SHISA9: variants seen among roughly 807,000 people sequenced by gnomAD.
SHISA9 encodes shisa family member 9, also known as protein shisa-9.
A neutral mutation model predicts 38.0 loss-of-function variants in SHISA9; 13 were observed. That is an observed-to-expected ratio of 0.34 (90% CI 0.22 to 0.54). SHISA9 has a LOEUF of 0.54. Ranked by LOEUF, SHISA9 falls within the 20% of genes least tolerant of loss-of-function variation. The pLI is 0.91. For synonymous variants in SHISA9, 275 were observed against 242.0 expected, an observed-to-expected ratio of 1.14 and a Z score of -1.27; for missense variants, 538 against 575.8, an observed-to-expected ratio of 0.93 and a Z score of 0.67.
chr16:13,423,468 G>A, the SHISA9 span, among the ~76,000 whole-genome samples: 1 of 152,158 alleles, frequency 6.6e-6, no homozygotes, highest in Non-Finnish European at 1.5e-5. Flanking sequence ...CCTGTTTTCA[G>A]TATCTCCGAG....
At chr16:13,305,852 T>G in the SHISA9 span, among the ~76,000 whole-genome samples, 10 of 152,236 alleles carry the variant, frequency 6.6e-5, no homozygotes, top group Admixed American at 1.3e-4. Flanking sequence ...CATTTTGGGA[T>G]AATTTGTTAA....
chr16:13,233,905 A>G (rs1373103557), intron 4 of SHISA9, among the ~76,000 whole-genome samples: 1 of 152,084 alleles, frequency 6.6e-6, no homozygotes, highest in Non-Finnish European at 1.5e-5. Flanking sequence ...GGTCCCAGCT[A>G]CTCAGGAGAA....
intron 2 of SHISA9, among the ~76,000 whole-genome samples, chr16:12,939,800 G>A (rs1441761903): frequency 1.3e-5 from 2 of 152,186 alleles, no homozygotes; most frequent in African/African-American, 2.4e-5. Context: ...AGATGCTGTA[G>A]AACAGATTCT....
the SHISA9 span, among the ~76,000 whole-genome samples, chr16:13,333,039 T>TCA: frequency 6.6e-6 from 1 of 152,214 alleles, no homozygotes; most frequent in Non-Finnish European, 1.5e-5. Flanking sequence ...AGGGGTCCTC[T>TCA]GCCGTGCCCG....
the SHISA9 span, among the ~76,000 whole-genome samples, chr16:13,497,961 C>T: frequency 2.6e-5 from 4 of 151,642 alleles, no homozygotes; most frequent in Admixed American, 2.6e-4. Context: ...AAAGATTTAG[C>T]ATCTGAAGAG....
the SHISA9 span, among the ~76,000 whole-genome samples, chr16:13,263,926 A>G: frequency 2.0e-5 from 3 of 148,212 alleles, no homozygotes; most frequent in South Asian, 6.3e-4. Flanking sequence ...TGTAAAATAG[A>G]AAAAAAAAAT....
At chr16:13,193,724 A>C (rs1191709471) in intron 2 of SHISA9, among the ~76,000 whole-genome samples, 2 of 152,168 alleles carry the variant, frequency 1.3e-5, no homozygotes, top group African/African-American at 4.8e-5. Context: ...AAGGAGGGAG[A>C]ATGAAGTGGA....
chr16:13,483,107 A>G, the SHISA9 span, among the ~76,000 whole-genome samples: 28 of 152,300 alleles, frequency 1.8e-4, no homozygotes, highest in East Asian at 3.9e-3. Context: ...TCACAGACAC[A>G]TGTGGGTGAA....
chr16:13,526,879 C>T, the SHISA9 span, among the ~76,000 whole-genome samples: 2 of 152,108 alleles, frequency 1.3e-5, no homozygotes, highest in Non-Finnish European at 2.9e-5. Flanking sequence ...GGTGAAGAAC[C>T]CTGCTTTAAA....
At chr16:13,391,223 A>G in the SHISA9 span, among the ~76,000 whole-genome samples, 3 of 152,318 alleles carry the variant, frequency 2.0e-5, no homozygotes, top group Non-Finnish European at 4.4e-5. Context: ...TATAGCCCAC[A>G]TTATTGCTCC....
chr16:12,973,489 A>G (rs988822884), intron 2 of SHISA9, among the ~76,000 whole-genome samples: 1 of 152,222 alleles, frequency 6.6e-6, no homozygotes, highest in African/African-American at 2.4e-5. Flanking sequence ...TGAGTGAAAC[A>G]TTTCGACTTC....
At chr16:12,939,376 G>T (rs954184632) in intron 2 of SHISA9, among the ~76,000 whole-genome samples, 1 of 152,274 alleles carries the variant, frequency 6.6e-6, no homozygotes, top group East Asian at 1.9e-4. Flanking sequence ...GAGTCACTGC[G>T]CCTGGCCAGG....
At chr16:12,959,526 G>GA (rs1371621856) in intron 2 of SHISA9, among the ~76,000 whole-genome samples, 3 of 152,128 alleles carry the variant, frequency 2.0e-5, no homozygotes, top group African/African-American at 4.8e-5. Context: ...GGCAGCTGGA[G>GA]AAAAAACAGA....
chr16:13,380,325 C>T, the SHISA9 span, among the ~76,000 whole-genome samples: 2 of 152,114 alleles, frequency 1.3e-5, no homozygotes, highest in African/African-American at 2.4e-5. Flanking sequence ...GATGTATCAT[C>T]ATCACATTTT....
At chr16:13,186,166 C>A (rs986046641) in intron 2 of SHISA9, among the ~76,000 whole-genome samples, 3 of 151,390 alleles carry the variant, frequency 2.0e-5, no homozygotes, top group African/African-American at 7.3e-5. Context: ...TACAATAATG[C>A]CTGGTTTATT....
chr16:13,049,821 C>G (rs1408033111), intron 2 of SHISA9, among the ~76,000 whole-genome samples: 1 of 151,910 alleles, frequency 6.6e-6, no homozygotes, highest in Non-Finnish European at 1.5e-5. Context: ...CTGAAATGCT[C>G]AAACTTGGGA....
At chr16:13,285,533 T>A in the SHISA9 span, among the ~76,000 whole-genome samples, 57 of 150,184 alleles carry the variant, frequency 3.8e-4, no homozygotes, top group Non-Finnish European at 7.1e-4. Flanking sequence ...CTTTAACGTA[T>A]GTGGGTGGAA....
chr16:12,958,349 T>C (rs1169264326), intron 2 of SHISA9, among the ~76,000 whole-genome samples: 1 of 152,236 alleles, frequency 6.6e-6, no homozygotes, highest in Non-Finnish European at 1.5e-5. Flanking sequence ...CTTCCAACCT[T>C]GTGTGCACCT....
chr16:13,558,014 CTG>C, the SHISA9 span, among the ~76,000 whole-genome samples: 262 of 152,260 alleles, frequency 1.7e-3, no homozygotes, highest in African/African-American at 6.0e-3. Flanking sequence ...TGAGCTATAA[CTG>C]TGCTGCTGCA....
Sources: gnomAD v4.1 joint callset for allele counts (sites outside exome capture counted in the v4.1 genomes callset) on GRCh38, gnomAD v4.1.1 for gene constraint, MANE v1.5 for transcripts, NCBI Gene and HGNC (gene_info 2026-07-23, HGNC 2026-07-21) for gene names.